GAGE12J: variants seen among roughly 807,000 people sequenced by gnomAD.
The protein encoded by GAGE12J is G antigen 12J.
A neutral mutation model predicts 8.5 loss-of-function variants in GAGE12J; 5 were observed. The ratio of observed to expected loss-of-function variants is 0.59; its 90% CI spans 0.31 to 1.24. The LOEUF (loss-of-function observed/expected upper bound fraction) is 1.24. Among genes scored for constraint, GAGE12J ranks in the 50% most tolerant of loss-of-function variants. The pLI is 0.06. For synonymous variants in GAGE12J, 10 were observed against 19.2 expected, an observed-to-expected ratio of 0.52 and a Z score of 1.25; for missense variants, 26 against 63.0, an observed-to-expected ratio of 0.41 and a Z score of 1.99.
Position 49,323,275 on chromosome X carries a change from C to G in GAGE12J, c.82C>G (p.Arg28Gly), listed in dbSNP as rs781989610. ...GCCTCCTGAAATGATTGGGCCTATG[C>G]GGGTGAGTGCTTGAACGTTAATTCG... Reference protein sequence around the residue: ...VQPPEMIGPMRPEQFSDEVEP... With the variant: ...VQPPEMIGPMGPEQFSDEVEP... Residue 28 changes from arginine to glycine, a missense_variant and splice_region_variant, in exon 2 of 5, where the codon CGG (arginine) becomes GGG (glycine). Around this residue, in one of 2 missense-constraint regions of GAGE12J, gnomAD observed 26 missense variants for 21.9 expected, o/e 1.19. Coordinates refer to ENST00000442437, the MANE Select transcript of GAGE12J (RefSeq NM_001098406.4). 2 of 1,144,269 alleles carry G rather than the reference C, an allele frequency of 1.7e-6. No individual in the cohort carries two copies. Among genetic ancestry groups the G allele is most frequent in the African/African-American group, 3.6e-5 (2 of 56,094 alleles). The allele number at this position is 1,144,269 out of a possible 1,213,427, so 94.3% of individuals were successfully genotyped here.
intron 4 of GAGE12J, among the ~76,000 whole-genome samples, chrX:49,327,964 G>A (rs369338319): frequency 6.3e-5 from 2 of 31,952 alleles, no homozygotes; most frequent in African/African-American, 1.0e-4. Context: ...CCGAGTGGCT[G>A]GAACTACATG....
chrX:49,323,233 C>A lies in GAGE12J; in HGVS notation c.40C>A (p.Pro14Thr), dbSNP rs782346061. 3.5e-6 allele frequency: 4 copies of A among 1,144,360 alleles called. No homozygotes were observed. In the African/African-American group the frequency reaches 5.3e-5, roughly 15 times the overall value. 94.3% of individuals were successfully genotyped at this position (1,144,360 alleles called of 1,213,427 possible). ...RGRSTYYWPRPRPYVQPPEMI... is the reference protein window; with the variant it reads ...RGRSTYYWPRTRPYVQPPEMI... ...AAGATCGACCTATTATTGGCCTAGACCAAGACCCTATGTACAGCCTCCTGA... is the reference window on the plus strand; with the variant it reads ...AAGATCGACCTATTATTGGCCTAGAACAAGACCCTATGTACAGCCTCCTGA... The change falls in exon 2 of 5, where the codon CCA (proline) becomes ACA (threonine). Residue 14 changes from proline (P) to threonine (T), a missense_variant. Pro to Thr is a conservative substitution (Grantham distance 38). Around this residue, in one of 2 missense-constraint regions of GAGE12J, gnomAD observed 26 missense variants for 21.9 expected, o/e 1.19. Coordinates refer to ENST00000442437, the MANE Select transcript of GAGE12J (RefSeq NM_001098406.4).
intron 4 of GAGE12J, among the ~76,000 whole-genome samples, chrX:49,328,160 G>C (rs1557126876): frequency 2.6e-5 from 2 of 75,511 alleles, no homozygotes; most frequent in East Asian, 8.1e-4. Flanking sequence ...ACGTTGTGCA[G>C]GTTAGTTACA....
At chrX:49,322,510 G>A (rs2066423875) in intron 1 of GAGE12J, among the ~76,000 whole-genome samples, 1 of 103,528 alleles carries the variant, frequency 9.7e-6, no homozygotes, top group Non-Finnish European at 2.1e-5. Flanking sequence ...CCTGGCACCT[G>A]GGAAGGCTGC....
At chrX:49,322,554 T>G in intron 1 of GAGE12J, among the ~76,000 whole-genome samples, 1 of 93,837 alleles carries the variant, frequency 1.1e-5, no homozygotes, top group Non-Finnish European at 2.3e-5. Flanking sequence ...CGGTGTGGAG[T>G]GCGGAGCGCC....
rs1158213499 is a variant in GAGE12J at position 49,322,394 on chromosome X, C to T, written c.-9+250C>T. 2.8e-5 allele frequency among the ~76,000 whole-genome samples: 3 copies of T among 108,789 alleles called. No individual in the cohort carries two copies. In the East Asian group the frequency reaches 8.5e-4, roughly 31 times the overall value. The allele number at this position is 108,789 out of a possible 115,157, so 94.5% of individuals were successfully genotyped here. A position where few individuals can be genotyped will look rare whatever the true frequency, so the allele number is the denominator to read the frequency against. On this transcript the variant is annotated intron_variant, in intron 1 of 4. Coordinates refer to ENST00000442437, the MANE Select transcript of GAGE12J (RefSeq NM_001098406.4). ...GGCTCAGGTGAAGATGGGGTGAGTG[C>T]TGTTGGGGGGATGGAAGTCCCGAGG...
chrX:49,323,255 C>G lies in GAGE12J; in HGVS notation c.62C>G (p.Pro21Arg). The change falls in exon 2 of 5, where the codon CCT becomes CGT. Residue 21 changes from proline (P) to arginine (R), a missense_variant. Physicochemically the swap from Pro to Arg is moderately radical, Grantham distance 103. Around this residue, in one of 2 missense-constraint regions of GAGE12J, gnomAD observed 26 missense variants for 21.9 expected, o/e 1.19. Transcript: ENST00000442437. ...AGACCAAGACCCTATGTACAGCCTC[C>G]TGAAATGATTGGGCCTATGCGGGTG... ...WPRPRPYVQPPEMIGPMRPEQ... is the reference protein window; with the variant it reads ...WPRPRPYVQPREMIGPMRPEQ... 8.7e-7 allele frequency: 1 copy of G among 1,147,022 alleles called. No individual in the cohort carries two copies. The highest frequency in any genetic ancestry group is 1.2e-6 in the Non-Finnish European group (1 of 843,396). The allele number at this position is 1,147,022 out of a possible 1,213,427, so 94.5% of individuals were successfully genotyped here.
chrX:49,322,433 C>G (rs1187035593), intron 1 of GAGE12J, among the ~76,000 whole-genome samples: 3 of 108,788 alleles, frequency 2.8e-5, no homozygotes, highest in East Asian at 5.7e-4. Context: ...CGGGAACCCC[C>G]GACGACACAG....
At position 49,323,377 on chromosome X, in the gene GAGE12J, C is replaced by T. The variant is rs2066430138; in HGVS notation, c.84+100C>T. 7.8e-6 allele frequency: 5 copies of T among 639,935 alleles called. 1 individual carries two copies. Among genetic ancestry groups the T allele is most frequent in the East Asian group, 3.4e-5 (1 of 29,780 alleles). 52.7% of individuals were successfully genotyped at this position (639,935 alleles called of 1,213,427 possible). ...GTGGAAATGCTGATAAAGGTCTTTCCTGCTCATAAAAAATGATGATGGCAT... is the reference window on the plus strand; with the variant it reads ...GTGGAAATGCTGATAAAGGTCTTTCTTGCTCATAAAAAATGATGATGGCAT... On this transcript the variant is annotated intron_variant, in intron 2 of 4. Transcript: ENST00000442437.
chrX:49,322,213 C>G (rs1324035365), intron 1 of GAGE12J, 69 bp downstream of exon 1: 1 of 322,013 alleles, frequency 3.1e-6, no homozygotes, highest in African/African-American at 3.0e-5. Context: ...TTGGGTGGGT[C>G]AGGCGGGTCC....
rs2066429490 is a variant in GAGE12J at position 49,323,296 on chromosome X, A to G, written c.84+19A>G. ...TATGCGGGTGAGTGCTTGAACGTTA[A>G]TTCGATGTTTTCTATTAGTAGAAAT... On this transcript the variant is annotated intron_variant, in intron 2 of 4. Transcript: ENST00000442437. 8.8e-7 allele frequency: 1 copy of G among 1,132,452 alleles called. No individual in the cohort carries two copies. Among genetic ancestry groups the G allele is most frequent in the Non-Finnish European group, 1.2e-6 (1 of 834,012 alleles). 93.3% of individuals were successfully genotyped at this position (1,132,452 alleles called of 1,213,427 possible).
chrX:49,323,386 A>T, intron 2 of GAGE12J, 109 bp downstream of exon 2: 1 of 613,188 alleles, frequency 1.6e-6, no homozygotes, highest in Non-Finnish European at 2.5e-6. Context: ...CCTGCTCATA[A>T]AAAATGATGA....
chrX:49,323,225 G>T lies in GAGE12J; in HGVS notation c.32G>T (p.Trp11Leu). 7 of 1,143,414 alleles carry T rather than the reference G, an allele frequency of 6.1e-6. 1 individual carries two copies. The highest frequency in any genetic ancestry group is 8.3e-6 in the Non-Finnish European group (7 of 840,676). The allele number at this position is 1,143,414 out of a possible 1,213,427, so 94.2% of individuals were successfully genotyped here. A position where few individuals can be genotyped will look rare whatever the true frequency, so the allele number is the denominator to read the frequency against. The change falls in exon 2 of 5, where the codon TGG becomes TTG. Residue 11 changes from tryptophan to leucine, a missense_variant. This residue lies in a region of GAGE12J where 26 missense variants were observed against 21.9 expected (regional missense o/e 1.19). Transcript: ENST00000442437. Reference sequence around the variant, plus strand: ...TGGCGAGGAAGATCGACCTATTATTGGCCTAGACCAAGACCCTATGTACAG... The same window carrying T: ...TGGCGAGGAAGATCGACCTATTATTTGCCTAGACCAAGACCCTATGTACAG... MSWRGRSTYY[W>L]PRPRPYVQPP...
At position 49,323,321 on chromosome X, in the gene GAGE12J, T is replaced by A; in HGVS notation, c.84+44T>A. On this transcript the variant is annotated intron_variant, in intron 2 of 4. Coordinates refer to ENST00000442437, the MANE Select transcript of GAGE12J (RefSeq NM_001098406.4). ...ATTCGATGTTTTCTATTAGTAGAAA[T>A]TAATTTTTGTGATAGCGTTGTTGCA... 28 of 1,079,889 alleles carry A rather than the reference T, an allele frequency of 2.6e-5. 2 individuals are homozygous for A. Among genetic ancestry groups the A allele is most frequent in the Non-Finnish European group, 3.5e-5 (28 of 791,541 alleles). The allele number at this position is 1,079,889 out of a possible 1,213,427, so 89.0% of individuals were successfully genotyped here. A position where few individuals can be genotyped will look rare whatever the true frequency, so the allele number is the denominator to read the frequency against.
At chrX:49,322,955 A>T (rs2066426764) in intron 1 of GAGE12J, among the ~76,000 whole-genome samples, 1 of 106,320 alleles carries the variant, frequency 9.4e-6, no homozygotes, top group African/African-American at 3.4e-5. Flanking sequence ...AATTTAGAAA[A>T]AAATGTCCTC....
intron 1 of GAGE12J, among the ~76,000 whole-genome samples, chrX:49,322,612 A>T (rs1190381360): frequency 3.3e-5 from 3 of 91,648 alleles, no homozygotes; most frequent in African/African-American, 1.1e-4. Context: ...GAAGGTCCGA[A>T]AACAGTGGGA....
rs1221159568 is a variant in GAGE12J at position 49,322,951 on chromosome X, GA to G, written c.-8-228del. On this transcript the variant is annotated intron_variant, in intron 1 of 4. Coordinates refer to ENST00000442437, the MANE Select transcript of GAGE12J (RefSeq NM_001098406.4). ...AGACCGCGTGTCCAAAAGAAATTTAGAAAAAAATGTCCTCTGCCTTTTGCCA... is the reference window on the plus strand; with the variant it reads ...AGACCGCGTGTCCAAAAGAAATTTAGAAAAAATGTCCTCTGCCTTTTGCCA... Among the ~76,000 whole-genome samples the G allele has an allele frequency of 4.7e-5, 5 of 105,790 alleles. 1 individual carries two copies. The highest frequency in any genetic ancestry group is 1.0e-4 in the African/African-American group (3 of 29,542). The allele number at this position is 105,790 out of a possible 115,157, so 91.9% of individuals were successfully genotyped here. A position where few individuals can be genotyped will look rare whatever the true frequency, so the allele number is the denominator to read the frequency against.
chrX:49,328,133 T>A (rs190812773), intron 4 of GAGE12J, among the ~76,000 whole-genome samples: 3,502 of 75,869 alleles, frequency 0.046, 1,013 homozygotes, highest in Non-Finnish European at 0.096. Context: ...ATACTTTAAG[T>A]TTTAGGGTAC....
At position 49,328,093 on chromosome X, in the gene GAGE12J, TTTTATTTA is replaced by T. The variant is rs1208287716; in HGVS notation, c.332-1159_332-1152del. 1.0e-4 allele frequency among the ~76,000 whole-genome samples: 7 copies of T among 70,179 alleles called. 1 individual carries two copies. Among genetic ancestry groups the T allele is most frequent in the Admixed American group, 3.1e-4 (2 of 6,405 alleles). The allele number at this position is 70,179 out of a possible 115,157, so 60.9% of individuals were successfully genotyped here. On this transcript the variant is annotated intron_variant, in intron 4 of 4. Coordinates refer to ENST00000442437, the MANE Select transcript of GAGE12J (RefSeq NM_001098406.4). ...AATGAACAATTGCTTCTTTTTTTTC[TTTTATTTA>T]TTTATTTATTTATTTATTGTTATAC... is the stretch of plus-strand genomic sequence containing the variant.
Sources: allele counts gnomAD v4.1 joint callset (sites outside exome capture counted in the v4.1 genomes callset), GRCh38; gene constraint gnomAD v4.1.1; regional missense constraint gnomAD v4.1.1; transcripts MANE v1.5; gene names NCBI Gene and HGNC (gene_info 2026-07-23, HGNC 2026-07-21).